Variants in HHAT observed in about 807,000 individuals in gnomAD.
HHAT encodes the protein hedgehog acyltransferase.
In HHAT, 47 loss-of-function variants were observed where a neutral mutation model predicts 70.8. The ratio of observed to expected loss-of-function variants is 0.66; its 90% confidence interval spans 0.53 to 0.85. The LOEUF is 0.85. Among genes scored for constraint, HHAT ranks in the 40% least tolerant of loss-of-function variants. The pLI, the probability that HHAT is intolerant of heterozygous loss-of-function variation, is 0.00. For synonymous variants in HHAT, 228 were observed against 247.6 expected (o/e 0.92, Z 0.74); for missense variants, 609 against 604.8 (o/e 1.01, Z -0.07).
intron 10 of HHAT, among the ~76,000 whole-genome samples, chr1:210,590,963 A>G (rs1237561989): frequency 6.6e-6 from 1 of 152,134 alleles, no homozygotes; most frequent in East Asian, 1.9e-4. Flanking sequence ...GTTTGTATTT[A>G]TGGGGTACAT....
chr1:210,475,605 TTC>T, intron 8 of HHAT, among the ~76,000 whole-genome samples: 2 of 152,316 alleles, frequency 1.3e-5, no homozygotes, highest in Middle Eastern at 6.8e-3. Context: ...ATCCTCTTCT[TTC>T]TCTTTCTTTT....
intron 10 of HHAT, among the ~76,000 whole-genome samples, chr1:210,595,818 T>G (rs1193020835): frequency 4.0e-5 from 6 of 151,374 alleles, no homozygotes; most frequent in East Asian, 1.9e-4. Context: ...GGGTTGTTTG[T>G]TTTTTTTTCT....
intron 3 of HHAT, among the ~76,000 whole-genome samples, chr1:210,373,027 A>G: frequency 6.6e-6 from 1 of 152,190 alleles, no homozygotes; most frequent in East Asian, 1.9e-4. Context: ...CCATGTTGGA[A>G]TTATTTGAAT....
Position 210,650,573 on chromosome 1 carries a change from AG to A in HHAT, c.1391-23712del, listed in dbSNP as rs1469645062. Among the ~76,000 whole-genome samples the A allele has an allele frequency of 3.3e-5, 5 of 152,368 alleles. No homozygotes were observed. The East Asian group carries it at 7.7e-4, about 23-fold the overall frequency. On this transcript the variant is annotated intron_variant, in intron 11 of 11. Coordinates refer to ENST00000261458, the MANE Select transcript of HHAT (RefSeq NM_018194.6). ...TCATTAAAAGAGCAAACATAATACA[AG>A]GGCCTTTTGTTTGCAGCTTTGGAAT...
At chr1:210,474,824 T>G (rs914293629) in intron 8 of HHAT, among the ~76,000 whole-genome samples, 6 of 104,488 alleles carry the variant, frequency 5.7e-5, no homozygotes, top group African/African-American at 2.0e-4. Flanking sequence ...CCTCAGGTGT[T>G]TTTTTTTTTT....
intron 3 of HHAT, among the ~76,000 whole-genome samples, chr1:210,376,014 A>ATT (rs57707354): frequency 0.016 from 1,738 of 108,872 alleles, 50 homozygotes; most frequent in African/African-American, 0.049. Context: ...TGCACAGCTA[A>ATT]TTTTTTTTTT....
intron 3 of HHAT, among the ~76,000 whole-genome samples, chr1:210,381,730 C>T (rs1166392707): frequency 1.3e-5 from 2 of 152,182 alleles, no homozygotes; most frequent in African/African-American, 4.8e-5. Flanking sequence ...AGGAGATAAA[C>T]AGTGGAACTA....
intron 10 of HHAT, among the ~76,000 whole-genome samples, chr1:210,606,081 C>T (rs1443027001): frequency 6.6e-6 from 1 of 152,118 alleles, no homozygotes; most frequent in Non-Finnish European, 1.5e-5. Context: ...TGGTCTCGAA[C>T]TCCTGACCTC....
chr1:210,418,385 A>T, intron 7 of HHAT, 60 bp downstream of exon 7: 13 of 1,455,328 alleles, frequency 8.9e-6, no homozygotes, highest in Non-Finnish European at 1.2e-5. Context: ...TTAGCATCAG[A>T]ATGGAGCTGG....
intron 11 of HHAT, among the ~76,000 whole-genome samples, chr1:210,655,771 T>C (rs554625672): frequency 6.6e-6 from 1 of 152,378 alleles, no homozygotes; most frequent in Admixed American, 6.5e-5. Flanking sequence ...CACAGTTTGC[T>C]AGAACACTGC....
intron 10 of HHAT, among the ~76,000 whole-genome samples, chr1:210,595,143 G>A (rs892789486): frequency 2.0e-5 from 3 of 151,928 alleles, no homozygotes; most frequent in Admixed American, 6.6e-5. Flanking sequence ...AGGCCCCAGT[G>A]TGTGATGTTC....
chr1:210,416,547 A>G (rs1225013612), intron 6 of HHAT, among the ~76,000 whole-genome samples: 1 of 152,156 alleles, frequency 6.6e-6, no homozygotes, highest in Non-Finnish European at 1.5e-5. Flanking sequence ...TATGAATTCT[A>G]GAATCTATGT....
chr1:210,607,393 C>T (rs974811061), intron 10 of HHAT, among the ~76,000 whole-genome samples: 4 of 152,016 alleles, frequency 2.6e-5, no homozygotes, highest in African/African-American at 9.7e-5. Context: ...AATTGGATAT[C>T]GCTAGAGGAG....
intron 11 of HHAT, among the ~76,000 whole-genome samples, chr1:210,669,701 G>A (rs1480139568): frequency 2.6e-5 from 4 of 152,228 alleles, no homozygotes; most frequent in Non-Finnish European, 5.9e-5. Context: ...CAAAAGCCCT[G>A]CAGGAAATTA....
rs182919426 is a variant in HHAT at position 210,676,192 on chromosome 1, G to A, written c.*1813G>A. 363 of 152,260 alleles carry A rather than the reference G, an allele frequency of 2.4e-3. 4 individuals carry two copies. Among genetic ancestry groups the A allele is most frequent in the African/African-American group, 8.1e-3 (338 of 41,550 alleles). The allele number at this position is 152,260 out of a possible 1,614,324, so 9.4% of individuals were successfully genotyped here. ...TCATTCATTAAACTACTTTGGAAGC[G>A]TCAGTGGATATATTTGAAAGTGGTA... On this transcript the variant is annotated 3_prime_UTR_variant, in exon 12 of 12. Coordinates refer to ENST00000261458, the MANE Select transcript of HHAT (RefSeq NM_018194.6).
At position 210,456,687 on chromosome 1, in the gene HHAT, CTG is replaced by C. The variant is rs1393934558; in HGVS notation, c.857-7816_857-7815del. On this transcript the variant is annotated intron_variant, in intron 7 of 11. Coordinates refer to ENST00000261458, the MANE Select transcript of HHAT (RefSeq NM_018194.6). ...TTTGTCCTTCAGCAGGCCAATGACA[CTG>C]TTGAGCTCAGAAGTGGGGACACTAG... Among the ~76,000 whole-genome samples the C allele has an allele frequency of 3.9e-5, 6 of 152,324 alleles. 1 individual carries two copies. In the Middle Eastern group the frequency reaches 0.017, roughly 432 times the overall value.
chr1:210,592,350 T>A (rs538855379), intron 10 of HHAT, among the ~76,000 whole-genome samples: 1 of 152,224 alleles, frequency 6.6e-6, no homozygotes, highest in Non-Finnish European at 1.5e-5. Flanking sequence ...TGTTGATGTG[T>A]GGATTTGTTC....
intron 11 of HHAT, among the ~76,000 whole-genome samples, chr1:210,673,957 C>CAT (rs1424260430): frequency 7.1e-6 from 1 of 141,508 alleles, no homozygotes. Flanking sequence ...TGCCCTATTT[C>CAT]TTTTTTTTTT....
At chr1:210,612,035 A>T (rs963611528) in intron 10 of HHAT, among the ~76,000 whole-genome samples, 6 of 151,938 alleles carry the variant, frequency 3.9e-5, no homozygotes, top group African/African-American at 1.2e-4. Context: ...AGCTTCTTAG[A>T]ATGTATTTAG....
Sources: gnomAD v4.1 joint callset for allele counts (sites outside exome capture counted in the v4.1 genomes callset) on GRCh38, gnomAD v4.1.1 for gene constraint, MANE v1.5 for transcripts, NCBI Gene and HGNC (gene_info 2026-07-23, HGNC 2026-07-21) for gene names.